The following UBE2D2 variants were observed in gnomAD, a reference collection of about 807,000 sequenced individuals.
UBE2D2 encodes the protein ubiquitin conjugating enzyme E2 D2, also known as ubiquitin-conjugating enzyme E2 D2.
A neutral mutation model predicts 24.2 loss-of-function variants in UBE2D2; 2 were observed. The ratio of observed to expected loss-of-function variants is 0.08; its 90% CI spans 0.03 to 0.26. The LOEUF (loss-of-function observed/expected upper bound fraction) is 0.26, where lower values mean the gene tolerates loss of function less well. Ranked by LOEUF, UBE2D2 falls within the 10% of genes least tolerant of loss-of-function variation. The probability of loss-of-function intolerance (pLI) is 1.00; values close to 1 mark genes in which losing one functional copy is unlikely to be tolerated. For synonymous variants in UBE2D2, 58 were observed against 56.5 expected (o/e 1.03, Z -0.12); for missense variants, 44 against 177.6 (o/e 0.25, Z 4.28).
chr5:139,592,596 C>CT (rs34558950), intron 1 of UBE2D2, among the ~76,000 whole-genome samples: 2,041 of 104,820 alleles, frequency 0.019, 59 homozygotes, highest in African/African-American at 0.036. Context: ...GTTCAGTAAT[C>CT]TTTTTTTTTT....
chr5:139,620,883 A>G (rs1213640204), intron 5 of UBE2D2, among the ~76,000 whole-genome samples: 1 of 152,244 alleles, frequency 6.6e-6, no homozygotes, highest in Non-Finnish European at 1.5e-5. Context: ...ATTTTGTCAG[A>G]GGCTACTGAA....
chr5:139,540,719 G>A (rs1311784922), intron 1 of UBE2D2, among the ~76,000 whole-genome samples: 6 of 152,074 alleles, frequency 3.9e-5, no homozygotes, highest in Admixed American at 6.6e-5. Flanking sequence ...GGTCAGGCAC[G>A]GTGGTTCATG....
In UBE2D2 at chr5:139,628,295, T is replaced by C. The variant is rs550322884; in HGVS notation, c.*1494T>C. Reference sequence around the variant, plus strand: ...TGTGAACTAGGCAAGTTACCTTTTTTCCCCCCTTCTTTTCCTAATTGTAAA... The same window carrying C: ...TGTGAACTAGGCAAGTTACCTTTTTCCCCCCCTTCTTTTCCTAATTGTAAA... On this transcript the variant is annotated 3_prime_UTR_variant, in exon 7 of 7. Coordinates refer to ENST00000398733, the MANE Select transcript of UBE2D2 (RefSeq NM_003339.3). 3 of 152,572 alleles carry C rather than the reference T, an allele frequency of 2.0e-5. No individual in the cohort carries two copies. The highest frequency in any genetic ancestry group is 4.4e-5 in the Non-Finnish European group (3 of 68,038). 9.5% of individuals were successfully genotyped at this position (152,572 alleles called of 1,614,324 possible).
At chr5:139,623,723 ACT>A (rs1480833080) in intron 6 of UBE2D2, 1 of 276,044 alleles carries the variant, frequency 3.6e-6, no homozygotes, top group Non-Finnish European at 6.9e-6. Context: ...ACAGGGTCTT[ACT>A]CTGTCACCCA....
intron 1 of UBE2D2, among the ~76,000 whole-genome samples, chr5:139,595,335 T>C (rs1335796129): frequency 6.6e-6 from 1 of 152,206 alleles, no homozygotes; most frequent in Admixed American, 6.6e-5. Flanking sequence ...TATGTTTATT[T>C]GCCATAATTG....
intron 1 of UBE2D2, among the ~76,000 whole-genome samples, chr5:139,564,557 G>A (rs952439727): frequency 2.0e-5 from 3 of 151,782 alleles, no homozygotes; most frequent in African/African-American, 7.3e-5. Flanking sequence ...GGGTTCAAGC[G>A]ATTCTCCTGC....
At chr5:139,564,091 A>G (rs918917395) in intron 1 of UBE2D2, among the ~76,000 whole-genome samples, 2 of 152,212 alleles carry the variant, frequency 1.3e-5, no homozygotes, top group Non-Finnish European at 2.9e-5. Flanking sequence ...CATATTTTCT[A>G]GAATAGATTT....
At chr5:139,532,404 G>T (rs1249678558) in intron 1 of UBE2D2, among the ~76,000 whole-genome samples, 3 of 149,674 alleles carry the variant, frequency 2.0e-5, no homozygotes, top group Non-Finnish European at 3.0e-5. Flanking sequence ...CAGGCTGGAG[G>T]GCAGTGGCAC....
At chr5:139,615,071 G>C (rs1339117885) in intron 5 of UBE2D2, 105 bp downstream of exon 5, 3 of 1,127,732 alleles carry the variant, frequency 2.7e-6, no homozygotes, top group Non-Finnish European at 3.8e-6. Context: ...AGAAGAGATA[G>C]CAATTCTTCT....
chr5:139,549,374 C>G (rs865974561), intron 1 of UBE2D2, among the ~76,000 whole-genome samples: 1 of 152,168 alleles, frequency 6.6e-6, no homozygotes, highest in Non-Finnish European at 1.5e-5. Context: ...TGGGGCTGCG[C>G]GCATGGCACT....
chr5:139,560,035 GTT>G (rs1167994026), upstream of UBE2D2, among the ~76,000 whole-genome samples: 12 of 133,930 alleles, frequency 9.0e-5, no homozygotes, highest in Admixed American at 7.6e-5. Context: ...CACGAGGTTG[GTT>G]TTTTTTTTTT....
rs1561498570 is a variant in UBE2D2, at chr5:139,548,181, AAAT to A, written c.-64+21572_-64+21574del. Among the ~76,000 whole-genome samples, 182 of 35,696 alleles carry A rather than the reference AAAT, an allele frequency of 5.1e-3. 4 individuals are homozygous for A. The African/African-American group carries it at 0.054, about 11-fold the overall frequency. The allele number at this position is 35,696 out of a possible 152,430, so 23.4% of individuals were successfully genotyped here. A position where few individuals can be genotyped will look rare whatever the true frequency, so the allele number is the denominator to read the frequency against. On this transcript the variant is annotated intron_variant, in intron 1 of 6. Coordinates refer to the UBE2D2 transcript ENST00000511725. Reference sequence around the variant, plus strand: ...TCCGTCTCAAAAAAAAAAAAAAAAAAAATAAAAAAAAAAAATAAATAAATAAAT... The same window carrying A: ...TCCGTCTCAAAAAAAAAAAAAAAAAAAAAAAAAAAAAATAAATAAATAAAT...
chr5:139,574,054 A>G (rs1487047400), intron 1 of UBE2D2, among the ~76,000 whole-genome samples: 2 of 151,912 alleles, frequency 1.3e-5, no homozygotes, highest in African/African-American at 2.4e-5. Flanking sequence ...AATATTTAAT[A>G]TATAATAAGC....
intron 1 of UBE2D2, among the ~76,000 whole-genome samples, chr5:139,548,177 A>T (rs1752859999): frequency 2.5e-5 from 1 of 39,278 alleles, no homozygotes; most frequent in East Asian, 3.6e-4. Flanking sequence ...AAAAAAAAAA[A>T]AAAAAATAAA....
At chr5:139,577,869 G>A (rs529901756) in intron 1 of UBE2D2, among the ~76,000 whole-genome samples, 17 of 152,330 alleles carry the variant, frequency 1.1e-4, no homozygotes, top group African/African-American at 4.1e-4. Context: ...TAGTGTTACA[G>A]AAGAGGGTGT....
intron 1 of UBE2D2, among the ~76,000 whole-genome samples, chr5:139,582,779 T>C (rs1400423888): frequency 6.8e-6 from 1 of 148,068 alleles, no homozygotes; most frequent in Admixed American, 6.8e-5. Context: ...CACTCCATTC[T>C]CCAGCCTCAG....
intron 5 of UBE2D2, among the ~76,000 whole-genome samples, chr5:139,619,431 A>T (rs543385900): frequency 6.6e-6 from 1 of 151,894 alleles, no homozygotes; most frequent in Admixed American, 6.6e-5. Flanking sequence ...TGAAGAATAT[A>T]TATAGGTAAA....
At chr5:139,621,583 G>A (rs1017632250) in intron 5 of UBE2D2, among the ~76,000 whole-genome samples, 1 of 151,586 alleles carries the variant, frequency 6.6e-6, no homozygotes, top group Non-Finnish European at 1.5e-5. Context: ...GGATTTTATG[G>A]TTGTCGTTTT....
At chr5:139,545,154 T>A (rs557123283) in intron 1 of UBE2D2, among the ~76,000 whole-genome samples, 1 of 152,276 alleles carries the variant, frequency 6.6e-6, no homozygotes, top group South Asian at 2.1e-4. Flanking sequence ...AACTCACGCT[T>A]TTTATGGTGG....
Sources: allele counts gnomAD v4.1 joint callset (sites outside exome capture counted in the v4.1 genomes callset), GRCh38; gene constraint gnomAD v4.1.1; transcripts MANE v1.5; gene names NCBI Gene and HGNC (gene_info 2026-07-23, HGNC 2026-07-21).